The following GRM8 variants were observed in gnomAD, a reference collection of about 807,000 sequenced individuals.
GRM8 encodes the protein glutamate metabotropic receptor 8, also known as metabotropic glutamate receptor 8.
Under a neutral mutation model 87.2 loss-of-function variants are expected in GRM8, and 47 were observed. That is an observed-to-expected ratio of 0.54 (90% CI 0.43 to 0.69). The LOEUF is 0.69. GRM8 is among the 30% of genes least tolerant of loss of function. The pLI, the probability that GRM8 is intolerant of heterozygous loss-of-function variation, is 0.00. For missense variants in GRM8, 1,019 were observed against 1,139.2 expected, an observed-to-expected ratio of 0.89 and a Z score of 1.52; for synonymous variants, 396 against 404.5, an observed-to-expected ratio of 0.98 and a Z score of 0.25.
chr7:127,004,527 C>T (rs568562408), intron 3 of GRM8, among the ~76,000 whole-genome samples: 7 of 151,584 alleles, frequency 4.6e-5, no homozygotes, highest in Non-Finnish European at 7.4e-5. Flanking sequence ...AACAAAGCTT[C>T]ACCGATATTG....
In GRM8 at chr7:127,206,040, T is replaced by C. The variant is rs564890824; in HGVS notation, c.510+36655A>G. Among the ~76,000 whole-genome samples, 6 of 152,354 alleles carry C rather than the reference T, an allele frequency of 3.9e-5. No homozygotes were observed. In the East Asian group the frequency reaches 1.2e-3, roughly 29 times the overall value. The stretch of plus-strand genomic sequence containing the variant: ...CCCTGCCAGGTATAGATGGGAGAAC[T>C]GAGCTACCAGCATCAAGGACACCAG... On this transcript the variant is annotated intron_variant, in intron 2 of 10. Coordinates refer to ENST00000339582, the MANE Select transcript of GRM8 (RefSeq NM_000845.3).
intron 3 of GRM8, among the ~76,000 whole-genome samples, chr7:126,910,604 C>A (rs142233278): frequency 6.6e-6 from 1 of 152,134 alleles, no homozygotes; most frequent in Non-Finnish European, 1.5e-5. Flanking sequence ...GAAGTTGTCA[C>A]TGAAATGGGA....
intron 8 of GRM8, among the ~76,000 whole-genome samples, chr7:126,564,200 T>C (rs752170103): frequency 1.4e-4 from 21 of 152,160 alleles, no homozygotes; most frequent in Non-Finnish European, 2.8e-4. Context: ...AGTGTTTTAA[T>C]TGGGGGTTTT....
At chr7:126,758,401 T>C (rs1817240265) in intron 7 of GRM8, among the ~76,000 whole-genome samples, 1 of 152,104 alleles carries the variant, frequency 6.6e-6, no homozygotes, top group Non-Finnish European at 1.5e-5. Flanking sequence ...TCTTACAACA[T>C]TAGTAGAAGA....
intron 7 of GRM8, among the ~76,000 whole-genome samples, chr7:126,720,161 T>C (rs1259156185): frequency 6.6e-6 from 1 of 151,772 alleles, no homozygotes; most frequent in Non-Finnish European, 1.5e-5. Flanking sequence ...TTTTTTTTTT[T>C]TTTTTGAGAT....
intron 2 of GRM8, among the ~76,000 whole-genome samples, chr7:127,208,568 T>G (rs937439365): frequency 6.6e-6 from 1 of 152,134 alleles, no homozygotes; most frequent in Non-Finnish European, 1.5e-5. Context: ...GAAACCAAAG[T>G]TTATACCAAA....
intron 8 of GRM8, among the ~76,000 whole-genome samples, chr7:126,602,585 T>G (rs568724267): frequency 8.2e-4 from 116 of 141,380 alleles, no homozygotes; most frequent in African/African-American, 2.8e-3. Flanking sequence ...TTCTTCCATT[T>G]GTTTGTATCC....
chr7:126,810,103 T>C (rs1793148274), intron 6 of GRM8, among the ~76,000 whole-genome samples: 1 of 152,176 alleles, frequency 6.6e-6, no homozygotes, highest in African/African-American at 2.4e-5. Context: ...ACAATTCAAC[T>C]TGTCCTGGCC....
At chr7:126,518,287 T>C (rs969403202) in intron 9 of GRM8, among the ~76,000 whole-genome samples, 5 of 152,110 alleles carry the variant, frequency 3.3e-5, no homozygotes, top group East Asian at 3.9e-4. Flanking sequence ...TTGTGGCTTA[T>C]GTATTTCCAT....
chr7:126,534,555 C>T (rs1815384605), intron 8 of GRM8, among the ~76,000 whole-genome samples: 3 of 152,068 alleles, frequency 2.0e-5, no homozygotes, highest in Non-Finnish European at 2.9e-5. Context: ...ACGAAAGTGG[C>T]CCTATGGTGA....
intron 7 of GRM8, among the ~76,000 whole-genome samples, chr7:126,643,306 A>T (rs1429808027): frequency 2.1e-4 from 7 of 33,730 alleles, no homozygotes; most frequent in East Asian, 5.2e-4. Context: ...AAAAAAAAAA[A>T]AAAAAAAAAA....
At chr7:126,903,751 A>G (rs10227064) in intron 5 of GRM8, among the ~76,000 whole-genome samples, 9 of 106,670 alleles carry the variant, frequency 8.4e-5, no homozygotes, top group African/African-American at 1.8e-4. Context: ...ATATATGTAT[A>G]TGTGTATATA....
chr7:126,940,030 A>G (rs1806741925), intron 3 of GRM8, among the ~76,000 whole-genome samples: 2 of 152,238 alleles, frequency 1.3e-5, no homozygotes, highest in Non-Finnish European at 2.9e-5. Flanking sequence ...TAATCATTTT[A>G]CCAAACATCC....
chr7:126,611,749 AT>A (rs550955783), intron 7 of GRM8, among the ~76,000 whole-genome samples: 3 of 152,324 alleles, frequency 2.0e-5, no homozygotes, highest in African/African-American at 7.2e-5. Context: ...AAATAATGTA[AT>A]TTGTATAACA....
In GRM8 at chr7:126,446,389, A is replaced by T. The variant is rs1464322567; in HGVS notation, c.2431-17T>A. The T allele has an allele frequency of 3.2e-6, 5 of 1,556,578 alleles. No homozygotes were observed. The highest frequency in any genetic ancestry group is 4.4e-6 in the Non-Finnish European group (5 of 1,141,352). The stretch of plus-strand genomic sequence containing the variant: ...GATGTACATCTGAGGGAAGAAAAAA[A>T]AAAGAATCACTGTTGGTAAGCCTAA... On this transcript the variant is annotated splice_polypyrimidine_tract_variant and intron_variant, in intron 9 of 10. Transcript: ENST00000339582.
intron 7 of GRM8, among the ~76,000 whole-genome samples, chr7:126,621,789 A>G (rs2299479): frequency 0.32 from 48,426 of 151,628 alleles, 8,327 homozygotes; most frequent in East Asian, 0.43. Flanking sequence ...CTCTCTGGAA[A>G]TTGTCTTGTC....
chr7:126,813,407 GA>G (rs778368626), intron 6 of GRM8, among the ~76,000 whole-genome samples: 62 of 152,032 alleles, frequency 4.1e-4, no homozygotes, highest in Admixed American at 1.1e-3. Flanking sequence ...AGGAAGAATG[GA>G]AAAACTCTGG....
rs1802440626 is a variant in GRM8, at chr7:126,904,106, T to C, written c.884A>G (p.Lys295Arg). 6.2e-7 allele frequency: 1 copy of C among 1,611,202 alleles called. No individual in the cohort carries two copies. Among genetic ancestry groups the C allele is most frequent in the African/African-American group, 1.3e-5 (1 of 74,738 alleles). The change falls in exon 5 of 11, where the codon AAA becomes AGA. Residue 295 changes from lysine to arginine, a missense_variant. Physicochemically the swap from Lys to Arg is conservative, Grantham distance 26 (BLOSUM62 2). Coordinates refer to ENST00000339582, the MANE Select transcript of GRM8 (RefSeq NM_000845.3). Reference sequence around the variant, plus strand: ...AAAATGCCCACTTTGGTTTAGTTTTTTTGCTGCTTCCAATATCCTCCTACA... The same window carrying C: ...AAAATGCCCACTTTGGTTTAGTTTTCTTGCTGCTTCCAATATCCTCCTACA... ...DDIRRILEAA[K>R]KLNQSGHFLW...
At chr7:126,471,818 C>T (rs1293308241) in intron 9 of GRM8, among the ~76,000 whole-genome samples, 1 of 152,042 alleles carries the variant, frequency 6.6e-6, no homozygotes, top group East Asian at 1.9e-4. Flanking sequence ...TCTTCCTACC[C>T]ATGAGCATGG....
Sources: allele counts gnomAD v4.1 joint callset (sites outside exome capture counted in the v4.1 genomes callset), GRCh38; gene constraint gnomAD v4.1.1; transcripts MANE v1.5; gene names NCBI Gene and HGNC (gene_info 2026-07-23, HGNC 2026-07-21).